Variants in PRKAR1B observed in about 807,000 individuals in gnomAD.
The protein encoded by PRKAR1B is cAMP-dependent protein kinase type I-beta regulatory subunit.
In PRKAR1B, 22 loss-of-function variants were observed where a neutral mutation model predicts 46.5. The observed-to-expected ratio is 0.47, with a 90% CI of 0.34 to 0.68. The LOEUF (loss-of-function observed/expected upper bound fraction) is 0.68, where lower values mean the gene tolerates loss of function less well. Among genes scored for constraint, PRKAR1B ranks in the 30% least tolerant of loss-of-function variants. PRKAR1B has a pLI of 0.01. For missense variants in PRKAR1B, 445 were observed against 535.6 expected (o/e 0.83, Z 1.67); for synonymous variants, 259 against 217.7 (o/e 1.19, Z -1.67).
At chr7:723,527 G>T (rs1242422467) in intron 1 of PRKAR1B, among the ~76,000 whole-genome samples, 1 of 152,174 alleles carries the variant, frequency 6.6e-6, no homozygotes, top group Non-Finnish European at 1.5e-5. Flanking sequence ...TATGTGCAGG[G>T]TATTTTGTTG....
At chr7:582,704 C>T (rs986879368) in intron 8 of PRKAR1B, among the ~76,000 whole-genome samples, 1 of 152,186 alleles carries the variant, frequency 6.6e-6, no homozygotes, top group East Asian at 1.9e-4. Flanking sequence ...CTGCAGCAAC[C>T]GTTGTCTCGA....
intron 9 of PRKAR1B, among the ~76,000 whole-genome samples, chr7:577,567 G>A (rs573983175): frequency 7.9e-5 from 12 of 152,134 alleles, no homozygotes; most frequent in African/African-American, 2.4e-4. Context: ...TTCCTGCCCG[G>A]GGCCACCTGG....
At chr7:706,338 T>C (rs1780321089) in intron 2 of PRKAR1B, among the ~76,000 whole-genome samples, 1 of 133,520 alleles carries the variant, frequency 7.5e-6, no homozygotes, top group Non-Finnish European at 1.6e-5. Flanking sequence ...AAAAGAAGAT[T>C]GATGGTGTCA....
At chr7:558,281 G>A (rs1472270682) in intron 9 of PRKAR1B, among the ~76,000 whole-genome samples, 4 of 134,656 alleles carry the variant, frequency 3.0e-5, no homozygotes, top group African/African-American at 1.1e-4. Context: ...AGCCATGATT[G>A]TACCACTGCA....
intron 4 of PRKAR1B, among the ~76,000 whole-genome samples, chr7:630,406 C>T (rs953123938): frequency 3.9e-5 from 6 of 152,168 alleles, no homozygotes; most frequent in Admixed American, 2.0e-4. Context: ...AGGCAGGCAG[C>T]GGGCAGCGGT....
At chr7:728,739 G>T (rs1245828166), upstream of PRKAR1B, among the ~76,000 whole-genome samples, 3 of 152,190 alleles carry the variant, frequency 2.0e-5, no homozygotes, top group Admixed American at 6.5e-5. Context: ...CAGCCTGCTG[G>T]GGTATGTGCT....
intron 4 of PRKAR1B, among the ~76,000 whole-genome samples, chr7:622,938 G>C (rs1406319954): frequency 6.6e-6 from 1 of 152,186 alleles, no homozygotes; most frequent in Non-Finnish European, 1.5e-5. Context: ...CGCTGGGGAA[G>C]AACCTCTCTC....
At chr7:600,455 G>A (rs570201759) in intron 6 of PRKAR1B, among the ~76,000 whole-genome samples, 8 of 152,278 alleles carry the variant, frequency 5.3e-5, no homozygotes, top group South Asian at 2.1e-4. Context: ...TCACGCCACC[G>A]CACTCCCAGC....
rs1320071424 is a variant in PRKAR1B at position 638,418 on chromosome 7, G to T, written c.441-30966C>A. The stretch of plus-strand genomic sequence containing the variant: ...ACAGATCGTCCCCCGGGGGCCTCGG[G>T]ACAGGTGAAGTCGGCTCAGCAACTC... On this transcript the variant is annotated intron_variant, in intron 4 of 10. Transcript: ENST00000537384. Among the ~76,000 whole-genome samples, 5 of 152,126 alleles carry T rather than the reference G, an allele frequency of 3.3e-5. No individual in the cohort carries two copies. In the South Asian group the frequency reaches 1.0e-3, roughly 32 times the overall value.
chr7:691,400 G>T, intron 2 of PRKAR1B: 1 of 943,178 alleles, frequency 1.1e-6, no homozygotes, highest in Non-Finnish European at 1.5e-6. Context: ...CAAATCCCCT[G>T]CCTGGTCAGG....
chr7:700,283 A>G (rs1292345233), intron 2 of PRKAR1B, among the ~76,000 whole-genome samples: 2 of 152,104 alleles, frequency 1.3e-5, no homozygotes, highest in Non-Finnish European at 2.9e-5. Flanking sequence ...TGGAAACGGA[A>G]CTCATGTTGG....
intron 4 of PRKAR1B, among the ~76,000 whole-genome samples, chr7:661,431 A>G (rs1292163961): frequency 1.4e-5 from 1 of 72,514 alleles, no homozygotes; most frequent in Non-Finnish European, 2.6e-5. Flanking sequence ...CCCCACCCCA[A>G]CGGGTCCAAA....
chr7:647,603 G>A (rs572198182), intron 4 of PRKAR1B, among the ~76,000 whole-genome samples: 21 of 151,832 alleles, frequency 1.4e-4, no homozygotes, highest in Non-Finnish European at 2.6e-4. Context: ...TCAGGAGATC[G>A]AGACCATCCT....
chr7:577,352 A>G (rs1300454333), intron 9 of PRKAR1B, among the ~76,000 whole-genome samples: 4 of 152,208 alleles, frequency 2.6e-5, no homozygotes, highest in African/African-American at 9.6e-5. Flanking sequence ...TTCGGCGAGG[A>G]CGGGACCTTA....
chr7:589,992 C>T (rs371962399), intron 7 of PRKAR1B, among the ~76,000 whole-genome samples: 116 of 152,328 alleles, frequency 7.6e-4, no homozygotes, highest in African/African-American at 2.5e-3. Flanking sequence ...TTCAATGGCA[C>T]GGGGCCACTT....
rs183023220 is a variant in PRKAR1B at position 592,694 on chromosome 7, A to G, written c.708+3452T>C. Among the ~76,000 whole-genome samples the G allele has an allele frequency of 3.3e-4, 51 of 152,322 alleles. No homozygotes were observed. The Middle Eastern group carries it at 0.01, about 30-fold the overall frequency. On this transcript the variant is annotated intron_variant, in intron 7 of 10. Coordinates refer to ENST00000537384, the MANE Select transcript of PRKAR1B (RefSeq NM_001164760.2). ...GCTTCCAAACGCTGAGGTCCTGGGT[A>G]AGGATCAGGGTGAACAGAGGACTCC...
intron 2 of PRKAR1B, among the ~76,000 whole-genome samples, chr7:692,272 C>T (rs961203258): frequency 9.9e-5 from 15 of 152,194 alleles, no homozygotes; most frequent in African/African-American, 2.2e-4. Flanking sequence ...TGGTGGCGCA[C>T]GCCTGTAATC....
chr7:555,271 G>A (rs375247815), intron 9 of PRKAR1B, among the ~76,000 whole-genome samples: 9 of 152,172 alleles, frequency 5.9e-5, no homozygotes, highest in Admixed American at 2.0e-4. Context: ...GGATGGGTCC[G>A]GGGAGCCCCC....
chr7:675,936 ACT>A (rs1312144704), intron 4 of PRKAR1B, among the ~76,000 whole-genome samples: 1 of 152,094 alleles, frequency 6.6e-6, no homozygotes, highest in African/African-American at 2.4e-5. Flanking sequence ...ACAGAGCAAG[ACT>A]CTGTCTAAAA....
Sources: gnomAD v4.1 joint callset for allele counts (sites outside exome capture counted in the v4.1 genomes callset) on GRCh38, gnomAD v4.1.1 for gene constraint, MANE v1.5 for transcripts, NCBI Gene and HGNC (gene_info 2026-07-23, HGNC 2026-07-21) for gene names.